Variants in CD74 observed in about 807,000 individuals in gnomAD.
CD74 encodes HLA class II histocompatibility antigen gamma chain.
Under a neutral mutation model 37.1 loss-of-function variants are expected in CD74, and 20 were observed. The observed-to-expected ratio is 0.54, with a 90% CI of 0.38 to 0.78. The LOEUF (loss-of-function observed/expected upper bound fraction) is 0.78, where lower values mean the gene tolerates loss of function less well. CD74 is among the 30% of genes least tolerant of loss of function. The probability of loss-of-function intolerance (pLI) is 0.00; values close to 1 mark genes in which losing one functional copy is unlikely to be tolerated. For missense variants in CD74, 338 were observed against 389.5 expected, an observed-to-expected ratio of 0.87 and a Z score of 1.11; for synonymous variants, 150 against 152.0, an observed-to-expected ratio of 0.99 and a Z score of 0.10.
Position 150,407,120 on chromosome 5 carries a change from T to TG in CD74, c.298+31dup, listed in dbSNP as rs754664980. Reference sequence around the variant, plus strand: ...CTCTGAGTTGAGGGATGGTGGGAGGTGGGGGGTATCAGGATGTAGGGGTGC... The same window carrying TG: ...CTCTGAGTTGAGGGATGGTGGGAGGTGGGGGGGTATCAGGATGTAGGGGTGC... On this transcript the variant is annotated intron_variant, in intron 2 of 8. Coordinates refer to ENST00000009530, the MANE Select transcript of CD74 (RefSeq NM_001025159.3). This position sits in a 1 kb window ranked among gnomAD's most constrained non-coding sequence, Gnocchi z 4.4. 1.8e-5 allele frequency: 29 copies of TG among 1,593,622 alleles called. No homozygotes were observed. The Middle Eastern group carries it at 5.0e-4, about 27-fold the overall frequency.
intron 1 of CD74, 55 bp downstream of exon 1, chr5:150,412,570 G>A: frequency 7.5e-7 from 1 of 1,334,820 alleles, no homozygotes; most frequent in South Asian, 1.2e-5. Context: ...CCCAGCACAT[G>A]CGCACGGCTC....
chr5:150,402,374 C>A lies in CD74; in HGVS notation c.881-124G>T. ...CCCTCCCCTGCCCCCTGCTCAGGTC[C>A]AATAATGACCATCATGGATTTGTGT... On this transcript the variant is annotated intron_variant, in intron 8 of 8. Coordinates refer to ENST00000009530, the MANE Select transcript of CD74 (RefSeq NM_001025159.3). This position sits in a 1 kb window ranked among gnomAD's most constrained non-coding sequence, Gnocchi z 4.2. 1 of 879,416 alleles carries A rather than the reference C, an allele frequency of 1.1e-6. No individual in the cohort carries two copies. Among genetic ancestry groups the A allele is most frequent in the Non-Finnish European group, 1.9e-6 (1 of 528,202 alleles). The allele number at this position is 879,416 out of a possible 1,614,324, so 54.5% of individuals were successfully genotyped here.
intron 4 of CD74, chr5:150,405,768 T>TTTATA (rs1769922149): frequency 6.4e-6 from 1 of 155,830 alleles, no homozygotes; most frequent in South Asian, 1.9e-4. Flanking sequence ...TCTTTTTTTA[T>TTTATA]TTTTATTTTA....
At position 150,407,069 on chromosome 5, in the gene CD74, G is replaced by A; in HGVS notation, c.298+83C>T. 3 of 1,544,004 alleles carry A rather than the reference G, an allele frequency of 1.9e-6. No homozygotes were observed. Among genetic ancestry groups the A allele is most frequent in the South Asian group, 2.3e-5 (2 of 87,322 alleles). On this transcript the variant is annotated intron_variant, in intron 2 of 8. Transcript: ENST00000009530. The surrounding 1 kb of genome is among the most constrained non-coding windows in gnomAD (Gnocchi z 4.4). The stretch of plus-strand genomic sequence containing the variant: ...CCAAACCGGAGGGAGAGGACAGTGG[G>A]CCCAGCTGGGTGCAGGGATGCGGGT...
At chr5:150,404,658 C>T (rs2151176808) in intron 6 of CD74, 22 bp downstream of exon 6, 1 of 1,520,632 alleles carries the variant, frequency 6.6e-7, no homozygotes, top group East Asian at 2.4e-5. Context: ...CCCTGGCACG[C>T]TAAAGCTCCC....
chr5:150,411,797 G>A (rs895259201), intron 1 of CD74, among the ~76,000 whole-genome samples: 1 of 152,086 alleles, frequency 6.6e-6, no homozygotes, highest in Non-Finnish European at 1.5e-5. Context: ...CTCCTGTGAT[G>A]GCAGATGTCT....
chr5:150,403,810 G>A lies in CD74; in HGVS notation c.626-498C>T, dbSNP rs936802878. Reference sequence around the variant, plus strand: ...GGAGGCTGAGGTTGCAGTGAGCTGAGATCGCACCACTGCACTCCAGCCTGG... The same window carrying A: ...GGAGGCTGAGGTTGCAGTGAGCTGAAATCGCACCACTGCACTCCAGCCTGG... On this transcript the variant is annotated intron_variant, in intron 6 of 8. Coordinates refer to ENST00000009530, the MANE Select transcript of CD74 (RefSeq NM_001025159.3). The surrounding 1 kb of genome is among the most constrained non-coding windows in gnomAD (Gnocchi z 4.5). Among the ~76,000 whole-genome samples, 3 of 152,256 alleles carry A rather than the reference G, an allele frequency of 2.0e-5. No homozygotes were observed. Among genetic ancestry groups the A allele is most frequent in the Non-Finnish European group, 4.4e-5 (3 of 68,042 alleles).
chr5:150,410,038 G>C (rs962282708), intron 1 of CD74, among the ~76,000 whole-genome samples: 2 of 142,432 alleles, frequency 1.4e-5, no homozygotes, highest in African/African-American at 5.1e-5. Context: ...AGAGTTATTC[G>C]GGAAGGAAAC....
Position 150,407,311 on chromosome 5 carries a change from C to A in CD74, c.139G>T (p.Gly47Ter). The A allele has an allele frequency of 6.2e-7, 1 of 1,607,936 alleles. No individual in the cohort carries two copies. Residue 47 changes from glycine to a stop codon, truncating the protein, a stop_gained, in exon 2 of 9, where the codon GGA (glycine) becomes TGA (stop). Transcript: ENST00000009530. LOFTEE classifies it high-confidence loss of function. The surrounding 1 kb of genome is among the most constrained non-coding windows in gnomAD (Gnocchi z 4.4). ...PGAPESKCSR[G>*]ALYTGFSILV... Reference sequence around the variant, plus strand: ...ATGGAAAAGCCTGTGTACAGGGCTCCGCGGCTGCACTTGCTGTGGGAGGTG... The same window carrying A: ...ATGGAAAAGCCTGTGTACAGGGCTCAGCGGCTGCACTTGCTGTGGGAGGTG...
intron 1 of CD74, among the ~76,000 whole-genome samples, chr5:150,409,253 G>A (rs779308469): frequency 1.3e-4 from 19 of 151,558 alleles, no homozygotes; most frequent in Middle Eastern, 3.4e-3. Context: ...TAGGCCGGGC[G>A]CGGTGGCTCA....
Position 150,403,375 on chromosome 5 carries a change from G to A in CD74, c.626-63C>T, listed in dbSNP as rs1169814934. 3.5e-6 allele frequency: 5 copies of A among 1,434,012 alleles called. No individual in the cohort carries two copies. Among genetic ancestry groups the A allele is most frequent in the South Asian group, 1.2e-5 (1 of 86,922 alleles). The allele number at this position is 1,434,012 out of a possible 1,614,324, so 88.8% of individuals were successfully genotyped here. A position where few individuals can be genotyped will look rare whatever the true frequency, so the allele number is the denominator to read the frequency against. On this transcript the variant is annotated intron_variant, in intron 6 of 8. Coordinates refer to ENST00000009530, the MANE Select transcript of CD74 (RefSeq NM_001025159.3). This position sits in a 1 kb window ranked among gnomAD's most constrained non-coding sequence, Gnocchi z 4.5. ...TGAGCTCTGAACCAGGGTCTGAGCA[G>A]AGCTAAAGACCCACACACCACTGCT...
chr5:150,403,458 G>A lies in CD74; in HGVS notation c.626-146C>T, dbSNP rs2151170950. Reference sequence around the variant, plus strand: ...ACTCACTCCAGCCATCACACGGATGGGAAAACTGAGGCCTAGACCAACAAG... The same window carrying A: ...ACTCACTCCAGCCATCACACGGATGAGAAAACTGAGGCCTAGACCAACAAG... On this transcript the variant is annotated intron_variant, in intron 6 of 8. Coordinates refer to ENST00000009530, the MANE Select transcript of CD74 (RefSeq NM_001025159.3). The surrounding 1 kb of genome is among the most constrained non-coding windows in gnomAD (Gnocchi z 4.5). 1.4e-6 allele frequency: 1 copy of A among 710,848 alleles called. No homozygotes were observed. The allele number at this position is 710,848 out of a possible 1,614,324, so 44.0% of individuals were successfully genotyped here. A position where few individuals can be genotyped will look rare whatever the true frequency, so the allele number is the denominator to read the frequency against.
intron 3 of CD74, 173 bp downstream of exon 3, chr5:150,406,708 C>G: frequency 1.7e-6 from 1 of 592,512 alleles, no homozygotes; most frequent in Non-Finnish European, 3.0e-6. Flanking sequence ...AGACTCTTCA[C>G]CTGTGCCCTC....
At position 150,402,326 on chromosome 5, in the gene CD74, G is replaced by A. The variant is rs2151166244; in HGVS notation, c.881-76C>T. ...TGCCCCTTTCTAACATCCTGGACCT[G>A]CAGAGCAGTTAAGGACTGTCCACCC... On this transcript the variant is annotated intron_variant, in intron 8 of 8. Coordinates refer to ENST00000009530, the MANE Select transcript of CD74 (RefSeq NM_001025159.3). The surrounding 1 kb of genome is among the most constrained non-coding windows in gnomAD (Gnocchi z 4.2). 3 of 1,152,252 alleles carry A rather than the reference G, an allele frequency of 2.6e-6. No homozygotes were observed. The highest frequency in any genetic ancestry group is 2.4e-5 in the East Asian group (1 of 41,218). 71.4% of individuals were successfully genotyped at this position (1,152,252 alleles called of 1,614,324 possible). A position where few individuals can be genotyped will look rare whatever the true frequency, so the allele number is the denominator to read the frequency against.
rs1215255703 is a variant in CD74, at chr5:150,403,867, A to T, written c.626-555T>A. ...GAGCCAGACTCTATCTCAAAAACAA[A>T]CAATCAAACAAAAAAACACCATTAC... On this transcript the variant is annotated intron_variant, in intron 6 of 8. Coordinates refer to ENST00000009530, the MANE Select transcript of CD74 (RefSeq NM_001025159.3). This position sits in a 1 kb window ranked among gnomAD's most constrained non-coding sequence, Gnocchi z 4.5. Among the ~76,000 whole-genome samples, 3 of 152,232 alleles carry T rather than the reference A, an allele frequency of 2.0e-5. No individual in the cohort carries two copies. Among genetic ancestry groups the T allele is most frequent in the Non-Finnish European group, 4.4e-5 (3 of 68,040 alleles).
At chr5:150,410,488 C>T (rs1452921382) in intron 1 of CD74, among the ~76,000 whole-genome samples, 2 of 152,146 alleles carry the variant, frequency 1.3e-5, no homozygotes, top group Non-Finnish European at 2.9e-5. Context: ...TGGCTCCACA[C>T]CTAGCACATT....
chr5:150,406,461 A>G lies in CD74; in HGVS notation c.379-140T>C, dbSNP rs1769969551. ...ATGGTTCCATCTCTGCCACCTCCAA[A>G]CATGAGAGCTCGAGCAAGTCACTTT... On this transcript the variant is annotated intron_variant, in intron 3 of 8. Coordinates refer to ENST00000009530, the MANE Select transcript of CD74 (RefSeq NM_001025159.3). The G allele has an allele frequency of 4.2e-6, 3 of 712,870 alleles. No homozygotes were observed. The Admixed American group carries it at 6.0e-5, about 14-fold the overall frequency. The allele number at this position is 712,870 out of a possible 1,614,324, so 44.2% of individuals were successfully genotyped here.
intron 1 of CD74, among the ~76,000 whole-genome samples, chr5:150,408,085 A>G (rs1177245686): frequency 1.3e-5 from 2 of 151,372 alleles, no homozygotes; most frequent in Admixed American, 6.6e-5. Context: ...TCAACCAGGT[A>G]TGTTATTTTT....
intron 1 of CD74, among the ~76,000 whole-genome samples, chr5:150,410,182 T>C (rs1402937292): frequency 6.6e-6 from 1 of 152,142 alleles, no homozygotes; most frequent in Non-Finnish European, 1.5e-5. Context: ...TCCAGCCTCA[T>C]CCTCCACCTG....
Sources: allele counts gnomAD v4.1 joint callset (sites outside exome capture counted in the v4.1 genomes callset), GRCh38; gene constraint gnomAD v4.1.1; non-coding constraint Gnocchi (gnomAD v3.1); transcripts MANE v1.5; gene names NCBI Gene and HGNC (gene_info 2026-07-23, HGNC 2026-07-21).